Variants in ONECUT3 observed in about 807,000 individuals in gnomAD.
ONECUT3 encodes one cut homeobox 3.
Under a neutral mutation model 16.8 loss-of-function variants are expected in ONECUT3, and 11 were observed. The ratio of observed to expected loss-of-function variants is 0.66; its 90% CI spans 0.41 to 1.09. ONECUT3 has a LOEUF of 1.09. ONECUT3 is among the 50% of genes least tolerant of loss of function. ONECUT3 has a pLI of 0.00. For missense variants in ONECUT3, 637 were observed against 629.9 expected, an observed-to-expected ratio of 1.01 and a Z score of -0.12; for synonymous variants, 344 against 310.7, an observed-to-expected ratio of 1.11 and a Z score of -1.13.
rs529197810 is a variant in ONECUT3, at chr19:1,760,194, G to C, written c.1192+5340G>C. On this transcript the variant is annotated intron_variant, in intron 1 of 1. Coordinates refer to ENST00000382349, the MANE Select transcript of ONECUT3 (RefSeq NM_001080488.2). ...AGAGAAAGGCGCTTGCCAGAGCCCC[G>C]CACTGCTTCTGATGCGGAGTCAGCT... is the stretch of plus-strand genomic sequence containing the variant. 4.5e-3 allele frequency among the ~76,000 whole-genome samples: 678 copies of C among 152,328 alleles called. 4 individuals are homozygous for C. Among genetic ancestry groups the C allele is most frequent in the South Asian group, 0.015 (74 of 4,830 alleles).
chr19:1,754,313 G>C lies in ONECUT3; in HGVS notation c.651G>C (p.Pro217=), dbSNP rs1600336457. ...CGCTGCACGGCGCCCCGCAGCCCCC[G>C]CCGCCGCCACCACCCCCGCCGCTGG... ...PPALHGAPQP[P]PPPPPPPLAA... The change falls in exon 1 of 2, where the codon CCG becomes CCC. Residue 217 remains proline, a synonymous_variant. Transcript: ENST00000382349. The surrounding 1 kb of genome is among the most constrained non-coding windows in gnomAD (Gnocchi z 7.4). The C allele has an allele frequency of 2.9e-6, 3 of 1,050,796 alleles. No homozygotes were observed. Among genetic ancestry groups the C allele is most frequent in the Non-Finnish European group, 2.3e-6 (2 of 877,494 alleles). The allele number at this position is 1,050,796 out of a possible 1,614,324, so 65.1% of individuals were successfully genotyped here. A position where few individuals can be genotyped will look rare whatever the true frequency, so the allele number is the denominator to read the frequency against.
At chr19:1,756,198 A>G (rs1415400510) in intron 1 of ONECUT3, among the ~76,000 whole-genome samples, 2 of 152,126 alleles carry the variant, frequency 1.3e-5, no homozygotes, top group Non-Finnish European at 2.9e-5. Flanking sequence ...CAGGAGGACC[A>G]GACAACCCCC....
rs1301162596 is a variant in ONECUT3, at chr19:1,758,315, A to AAGAGAGAG, written c.1192+3475_1192+3482dup. On this transcript the variant is annotated intron_variant, in intron 1 of 1. Transcript: ENST00000382349. The surrounding 1 kb of genome is among the most constrained non-coding windows in gnomAD (Gnocchi z 5.9). ...GCAGAGAGACCAAAAAAAAAAAAAAAAGAGAGAGAGAGAGAGAGAGACAGA... is the reference window on the plus strand; with the variant it reads ...GCAGAGAGACCAAAAAAAAAAAAAAAAGAGAGAGAGAGAGAGAGAGAGAGAGAGACAGA... 4.0e-4 allele frequency among the ~76,000 whole-genome samples: 31 copies of AAGAGAGAG among 77,052 alleles called. No individual in the cohort carries two copies. Among genetic ancestry groups the AAGAGAGAG allele is most frequent in the African/African-American group, 1.2e-3 (30 of 24,834 alleles). 50.5% of individuals were successfully genotyped at this position (77,052 alleles called of 152,430 possible).
Position 1,764,526 on chromosome 19 carries a change from G to A in ONECUT3, c.1192+9672G>A, listed in dbSNP as rs117688015. 6.9e-3 allele frequency among the ~76,000 whole-genome samples: 1,043 copies of A among 152,226 alleles called. 28 individuals carry two copies. Among genetic ancestry groups the A allele is most frequent in the Admixed American group, 0.045 (682 of 15,292 alleles). On this transcript the variant is annotated intron_variant, in intron 1 of 1. Coordinates refer to ENST00000382349, the MANE Select transcript of ONECUT3 (RefSeq NM_001080488.2). This position sits in a 1 kb window ranked among gnomAD's most constrained non-coding sequence, Gnocchi z 5.0. ...GATGTGGGCAGGGCAGGCATGGGGA[G>A]GGTAAGCCACCCAGAGTGGAGGGGT...
Position 1,770,350 on chromosome 19 carries a change from T to C in ONECUT3, c.1193-4803T>C, listed in dbSNP as rs143814528. 5.4e-4 allele frequency among the ~76,000 whole-genome samples: 82 copies of C among 152,278 alleles called. 1 individual carries two copies. The East Asian group carries it at 0.014, about 25-fold the overall frequency. On this transcript the variant is annotated intron_variant, in intron 1 of 1. Coordinates refer to ENST00000382349, the MANE Select transcript of ONECUT3 (RefSeq NM_001080488.2). ...TACTTGGGAGGCTGAGGTGGAAGGATTGCTTGAGCCCAGGAGTTCAAGGAT... is the reference window on the plus strand; with the variant it reads ...TACTTGGGAGGCTGAGGTGGAAGGACTGCTTGAGCCCAGGAGTTCAAGGAT...
Position 1,754,364 on chromosome 19 carries a change from G to A in ONECUT3, c.702G>A (p.Leu234=), listed in dbSNP as rs746560648. 3 of 1,097,480 alleles carry A rather than the reference G, an allele frequency of 2.7e-6. No individual in the cohort carries two copies. The South Asian group carries it at 7.5e-5, about 28-fold the overall frequency. 68.0% of individuals were successfully genotyped at this position (1,097,480 alleles called of 1,614,324 possible). A position where few individuals can be genotyped will look rare whatever the true frequency, so the allele number is the denominator to read the frequency against. Residue 234 remains leucine (L), a synonymous_variant, in exon 1 of 2, where the codon CTG becomes CTA. Transcript: ENST00000382349. The surrounding 1 kb of genome is among the most constrained non-coding windows in gnomAD (Gnocchi z 7.4). ...PLAAYGPPGH[L]AGDKLLPPAA... is the part of the protein sequence containing the mutation. Reference sequence around the variant, plus strand: ...CCGCCTACGGCCCGCCAGGCCACCTGGCTGGGGACAAGCTGCTGCCGCCCG... The same window carrying A: ...CCGCCTACGGCCCGCCAGGCCACCTAGCTGGGGACAAGCTGCTGCCGCCCG...
Position 1,753,769 on chromosome 19 carries a change from G to T in ONECUT3, c.107G>T (p.Arg36Leu). ...GCGCGCTCGGCGGCGGCGCAGCACCGCGGCCTGGTGGCGCCCGGGCGCCCG... is the reference window on the plus strand; with the variant it reads ...GCGCGCTCGGCGGCGGCGCAGCACCTCGGCCTGGTGGCGCCCGGGCGCCCG... ...GHARSAAAQHRGLVAPGRPGL... is the reference protein window; with the variant it reads ...GHARSAAAQHLGLVAPGRPGL... The change falls in exon 1 of 2, where the codon CGC becomes CTC. Residue 36 changes from arginine to leucine, a missense_variant. Arg to Leu is a moderately radical substitution (Grantham distance 102). Coordinates refer to ENST00000382349, the MANE Select transcript of ONECUT3 (RefSeq NM_001080488.2). The T allele has an allele frequency of 1.0e-6, 1 of 993,220 alleles. No homozygotes were observed. Among genetic ancestry groups the T allele is most frequent in the Non-Finnish European group, 1.2e-6 (1 of 836,022 alleles). The allele number at this position is 993,220 out of a possible 1,614,324, so 61.5% of individuals were successfully genotyped here.
chr19:1,774,825 T>C (rs891089191), intron 1 of ONECUT3, among the ~76,000 whole-genome samples: 1 of 151,272 alleles, frequency 6.6e-6, no homozygotes, highest in African/African-American at 2.4e-5. Context: ...CGCATCTGCT[T>C]TCCCTGCCTG....
In ONECUT3 at chr19:1,766,727, G is replaced by A. The variant is rs977377263; in HGVS notation, c.1193-8426G>A. 5.3e-5 allele frequency among the ~76,000 whole-genome samples: 8 copies of A among 151,974 alleles called. No individual in the cohort carries two copies. Among genetic ancestry groups the A allele is most frequent in the Non-Finnish European group, 1.0e-4 (7 of 67,964 alleles). ...TACTGGCTTCCTGCTGAGGGCACTC[G>A]GGGAGCCCCACTGTCCCACCCGGCG... On this transcript the variant is annotated intron_variant, in intron 1 of 1. Transcript: ENST00000382349. This position sits in a 1 kb window ranked among gnomAD's most constrained non-coding sequence, Gnocchi z 4.0.
intron 1 of ONECUT3, among the ~76,000 whole-genome samples, chr19:1,773,358 A>T (rs1660782852): frequency 6.6e-6 from 1 of 152,084 alleles, no homozygotes; most frequent in Admixed American, 6.5e-5. Context: ...TTAATCATAA[A>T]ACCTGAAACC....
In ONECUT3 at chr19:1,780,341, G is replaced by A. The variant is rs1217427505; in HGVS notation, c.*4896G>A. ...CAGAGGACTCCCCAAAATCATCAAA[G>A]GGGGCTCTGGGACAATGTCCTCTGC... On this transcript the variant is annotated 3_prime_UTR_variant, in exon 2 of 2. Coordinates refer to ENST00000382349, the MANE Select transcript of ONECUT3 (RefSeq NM_001080488.2). 6.6e-6 allele frequency: 1 copy of A among 152,092 alleles called. No homozygotes were observed. The highest frequency in any genetic ancestry group is 1.5e-5 in the Non-Finnish European group (1 of 68,058). 9.4% of individuals were successfully genotyped at this position (152,092 alleles called of 1,614,324 possible).
In ONECUT3 at chr19:1,766,514, T is replaced by A. The variant is rs1413138382; in HGVS notation, c.1193-8639T>A. Among the ~76,000 whole-genome samples, 1 of 95,228 alleles carries A rather than the reference T, an allele frequency of 1.1e-5. No individual in the cohort carries two copies. The highest frequency in any genetic ancestry group is 2.1e-5 in the Non-Finnish European group (1 of 47,056). The allele number at this position is 95,228 out of a possible 152,430, so 62.5% of individuals were successfully genotyped here. A position where few individuals can be genotyped will look rare whatever the true frequency, so the allele number is the denominator to read the frequency against. On this transcript the variant is annotated intron_variant, in intron 1 of 1. Transcript: ENST00000382349. The surrounding 1 kb of genome is among the most constrained non-coding windows in gnomAD (Gnocchi z 4.0). ...AAGGAAGGGGAAGAGGGGAGGGAGG[T>A]AAAGAGAGGGAGGGAAGGAAAGGGA...
At chr19:1,763,248 C>T (rs2067955959) in intron 1 of ONECUT3, among the ~76,000 whole-genome samples, 1 of 151,576 alleles carries the variant, frequency 6.6e-6, no homozygotes, top group African/African-American at 2.4e-5. Context: ...CCTGCAATCC[C>T]AGCTACTCCG....
chr19:1,775,217 G>C lies in ONECUT3; in HGVS notation c.1257G>C (p.Leu419=), dbSNP rs2068095132. ...CCCTGCAGCCCAAGAAGCAGCGCCT[G>C]GTGTTCACCGACCTGCAGCGACGCA... ...ERALQPKKQR[L]VFTDLQRRTL... The change falls in exon 2 of 2, where the codon CTG becomes CTC. Residue 419 remains leucine, a synonymous_variant. Coordinates refer to ENST00000382349, the MANE Select transcript of ONECUT3 (RefSeq NM_001080488.2). 3.2e-6 allele frequency: 5 copies of C among 1,564,714 alleles called. No homozygotes were observed. The African/African-American group carries it at 5.5e-5, about 17-fold the overall frequency.
At chr19:1,769,740 G>T (rs1196178796) in intron 1 of ONECUT3, among the ~76,000 whole-genome samples, 1 of 152,076 alleles carries the variant, frequency 6.6e-6, no homozygotes, top group African/African-American at 2.4e-5. Context: ...AAAGCTGCTC[G>T]CGGTAAACAG....
intron 1 of ONECUT3, among the ~76,000 whole-genome samples, chr19:1,768,333 C>G (rs1486885938): frequency 6.6e-6 from 1 of 151,900 alleles, no homozygotes; most frequent in Non-Finnish European, 1.5e-5. Context: ...AACCGTCGTG[C>G]AAAGGAGCTG....
At chr19:1,767,987 G>T (rs2145963729) in intron 1 of ONECUT3, among the ~76,000 whole-genome samples, 1 of 152,178 alleles carries the variant, frequency 6.6e-6, no homozygotes, top group South Asian at 2.1e-4. Flanking sequence ...TGGGGAGATG[G>T]GATGGGTGGT....
rs1600365272 is a variant in ONECUT3, at chr19:1,775,577, A to G, written c.*132A>G. 1 of 857,618 alleles carries G rather than the reference A, an allele frequency of 1.2e-6. No individual in the cohort carries two copies. Among genetic ancestry groups the G allele is most frequent in the East Asian group, 3.3e-5 (1 of 30,674 alleles). The allele number at this position is 857,618 out of a possible 1,614,324, so 53.1% of individuals were successfully genotyped here. A position where few individuals can be genotyped will look rare whatever the true frequency, so the allele number is the denominator to read the frequency against. ...GGAGGGGGTGCTATCCGGGCCCCCC[A>G]CACCCGGGGAGGGGGAAGCAGCACA... On this transcript the variant is annotated 3_prime_UTR_variant, in exon 2 of 2. Coordinates refer to ENST00000382349, the MANE Select transcript of ONECUT3 (RefSeq NM_001080488.2).
chr19:1,754,329 C>A lies in ONECUT3; in HGVS notation c.667C>A (p.Pro223Thr). ...APQPPPPPPP[P>T]PLAAYGPPGH... ...GCAGCCCCCGCCGCCGCCACCACCC[C>A]CGCCGCTGGCCGCCTACGGCCCGCC... The change falls in exon 1 of 2, where the codon CCG becomes ACG. Residue 223 changes from proline to threonine, a missense_variant. Pro to Thr is a conservative substitution (Grantham distance 38). Around this residue, in one of 3 missense-constraint regions of ONECUT3, gnomAD observed 419 missense variants for 377.9 expected, o/e 1.11. Coordinates refer to ENST00000382349, the MANE Select transcript of ONECUT3 (RefSeq NM_001080488.2). This position sits in a 1 kb window ranked among gnomAD's most constrained non-coding sequence, Gnocchi z 7.4. 2 of 1,060,424 alleles carry A rather than the reference C, an allele frequency of 1.9e-6. No individual in the cohort carries two copies. Among genetic ancestry groups the A allele is most frequent in the Non-Finnish European group, 2.3e-6 (2 of 881,918 alleles). The allele number at this position is 1,060,424 out of a possible 1,614,324, so 65.7% of individuals were successfully genotyped here.
Sources: gnomAD v4.1 joint callset for allele counts (sites outside exome capture counted in the v4.1 genomes callset) on GRCh38, gnomAD v4.1.1 for gene constraint, gnomAD v4.1.1 regional missense constraint, Gnocchi (gnomAD v3.1) non-coding constraint, MANE v1.5 for transcripts, NCBI Gene and HGNC (gene_info 2026-07-23, HGNC 2026-07-21) for gene names.